Variants in EMP2 observed in about 807,000 individuals in gnomAD.
EMP2 encodes the protein epithelial membrane protein 2.
In EMP2, 19 loss-of-function variants were observed where a neutral mutation model predicts 13.7. That is an observed-to-expected ratio of 1.38 (90% CI 0.97 to 2.03). EMP2 has a LOEUF of 2.03. Among genes scored for constraint, EMP2 ranks in the 30% most tolerant of loss-of-function variants. The probability of loss-of-function intolerance (pLI) is 0.00; values close to 1 mark genes in which losing one functional copy is unlikely to be tolerated. For synonymous variants in EMP2, 97 were observed against 84.7 expected, an observed-to-expected ratio of 1.15 and a Z score of -0.80; for missense variants, 253 against 220.7, an observed-to-expected ratio of 1.15 and a Z score of -0.93.
chr16:10,543,602 G>C lies in EMP2; in HGVS notation c.137C>G (p.Thr46Arg), dbSNP rs1465762207. 6.2e-7 allele frequency: 1 copy of C among 1,614,092 alleles called. No homozygotes were observed. Among genetic ancestry groups the C allele is most frequent in the African/African-American group, 1.3e-5 (1 of 74,938 alleles). ...ADVWRICTNN[T>R]NCTVINDSFQ... Reference sequence around the variant, plus strand: ...GCTGTCATTGATGACTGTGCAATTCGTGTTGTTGGTACATATTCTCCAGAC... The same window carrying C: ...GCTGTCATTGATGACTGTGCAATTCCTGTTGTTGGTACATATTCTCCAGAC... Residue 46 changes from threonine (T) to arginine (R), a missense_variant, in exon 3 of 5, where the codon ACG becomes AGG. Coordinates refer to ENST00000359543, the MANE Select transcript of EMP2 (RefSeq NM_001424.6).
At chr16:10,562,625 A>G (rs2050880870) in intron 1 of EMP2, among the ~76,000 whole-genome samples, 1 of 152,126 alleles carries the variant, frequency 6.6e-6, no homozygotes, top group Non-Finnish European at 1.5e-5. Flanking sequence ...TAGAATCATG[A>G]ACAAAATCAG....
intron 1 of EMP2, among the ~76,000 whole-genome samples, chr16:10,550,956 CAGAG>C (rs1441131570): frequency 7.1e-6 from 1 of 140,674 alleles, no homozygotes; most frequent in Non-Finnish European, 1.5e-5. Flanking sequence ...GCCTGGGTGA[CAGAG>C]AGAGATTCCA....
At chr16:10,536,040 G>A (rs1223217517) in intron 4 of EMP2, among the ~76,000 whole-genome samples, 1 of 152,106 alleles carries the variant, frequency 6.6e-6, no homozygotes, top group Non-Finnish European at 1.5e-5. Flanking sequence ...GACTTGGGGG[G>A]TTCTCAAGAT....
intron 4 of EMP2, among the ~76,000 whole-genome samples, chr16:10,535,409 G>C (rs900833471): frequency 6.6e-6 from 1 of 152,084 alleles, no homozygotes; most frequent in Non-Finnish European, 1.5e-5. Flanking sequence ...CAGGCTTACA[G>C]ATCAACAGAC....
intron 1 of EMP2, among the ~76,000 whole-genome samples, chr16:10,572,063 C>T (rs1013789879): frequency 1.2e-4 from 18 of 152,202 alleles, no homozygotes; most frequent in Non-Finnish European, 1.3e-4. Context: ...ACCTGATGAT[C>T]TAAATATATT....
At chr16:10,534,917 C>T in intron 4 of EMP2, among the ~76,000 whole-genome samples, 1 of 152,250 alleles carries the variant, frequency 6.6e-6, no homozygotes. Context: ...CAGACATTCT[C>T]TGGCCAGGGG....
chr16:10,575,317 G>A (rs1451129797), intron 1 of EMP2, among the ~76,000 whole-genome samples: 2 of 132,012 alleles, frequency 1.5e-5, no homozygotes, highest in Admixed American at 1.8e-4. Flanking sequence ...GCAGTGGCGT[G>A]ATCTTGGCTC....
chr16:10,536,704 C>A (rs968704339), intron 4 of EMP2, among the ~76,000 whole-genome samples: 2 of 152,190 alleles, frequency 1.3e-5, no homozygotes, highest in Non-Finnish European at 2.9e-5. Flanking sequence ...TCACTGCAGC[C>A]TTTACCTCTC....
At chr16:10,574,188 T>A (rs938381936) in intron 1 of EMP2, among the ~76,000 whole-genome samples, 1 of 152,184 alleles carries the variant, frequency 6.6e-6, no homozygotes, top group African/African-American at 2.4e-5. Context: ...TCTGCCTGCC[T>A]TGGCCTCCCA....
At chr16:10,548,593 C>T (rs1349620602) in intron 1 of EMP2, among the ~76,000 whole-genome samples, 1 of 151,940 alleles carries the variant, frequency 6.6e-6, no homozygotes, top group Non-Finnish European at 1.5e-5. Flanking sequence ...ACTTGGTAAA[C>T]TAAGACAGAA....
Position 10,529,119 on chromosome 16 carries a change from G to A in EMP2, c.*3786C>T, listed in dbSNP as rs950380623. The A allele has an allele frequency of 2.0e-5, 3 of 152,168 alleles. No individual in the cohort carries two copies. Among genetic ancestry groups the A allele is most frequent in the Non-Finnish European group, 4.4e-5 (3 of 68,034 alleles). The allele number at this position is 152,168 out of a possible 1,614,324, so 9.4% of individuals were successfully genotyped here. On this transcript the variant is annotated 3_prime_UTR_variant, in exon 5 of 5. Transcript: ENST00000359543. Reference sequence around the variant, plus strand: ...AATTTTAATGCAAATAACAAAATGAGTTAGTCTGTCTCCATCACATAGCCC... The same window carrying A: ...AATTTTAATGCAAATAACAAAATGAATTAGTCTGTCTCCATCACATAGCCC...
intron 1 of EMP2, among the ~76,000 whole-genome samples, chr16:10,567,012 C>A (rs2050910930): frequency 6.6e-6 from 1 of 152,200 alleles, no homozygotes; most frequent in Admixed American, 6.5e-5. Flanking sequence ...TTGACTTCTT[C>A]TCTTCATTCA....
chr16:10,561,173 G>GTT (rs2050868574), intron 1 of EMP2, among the ~76,000 whole-genome samples: 1 of 152,192 alleles, frequency 6.6e-6, no homozygotes, highest in African/African-American at 2.4e-5. Context: ...GATGGGCTGG[G>GTT]GAAGAGGGCA....
intron 1 of EMP2, among the ~76,000 whole-genome samples, chr16:10,567,265 T>C (rs966737201): frequency 3.3e-5 from 5 of 152,186 alleles, no homozygotes; most frequent in African/African-American, 1.2e-4. Flanking sequence ...TATTAAGTCA[T>C]TATCAGTGGA....
chr16:10,577,375 T>A (rs905430071), intron 1 of EMP2, among the ~76,000 whole-genome samples: 11 of 152,258 alleles, frequency 7.2e-5, no homozygotes, highest in African/African-American at 2.6e-4. Flanking sequence ...CGGCACTCTC[T>A]CGCTGGGTGG....
At chr16:10,552,952 G>C (rs1281665252) in intron 1 of EMP2, among the ~76,000 whole-genome samples, 1 of 152,220 alleles carries the variant, frequency 6.6e-6, no homozygotes, top group Non-Finnish European at 1.5e-5. Flanking sequence ...ATGGCAGTTA[G>C]AGGTTGGTTT....
At chr16:10,575,237 C>CATTTTTTTT (rs2050975115) in intron 1 of EMP2, among the ~76,000 whole-genome samples, 1 of 52,500 alleles carries the variant, frequency 1.9e-5, no homozygotes. Flanking sequence ...AGCTTGCATT[C>CATTTTTTTT]TTTTTTTTTT....
At chr16:10,540,155 G>C (rs1158217462) in intron 3 of EMP2, among the ~76,000 whole-genome samples, 1 of 152,188 alleles carries the variant, frequency 6.6e-6, no homozygotes, top group African/African-American at 2.4e-5. Context: ...AACCCAGTGA[G>C]GACGGGAAAC....
chr16:10,537,635 G>A lies in EMP2; in HGVS notation c.316+293C>T, dbSNP rs76936135. Among the ~76,000 whole-genome samples, 11 of 152,010 alleles carry A rather than the reference G, an allele frequency of 7.2e-5. No individual in the cohort carries two copies. The East Asian group carries it at 1.9e-3, about 27-fold the overall frequency. On this transcript the variant is annotated intron_variant, in intron 4 of 4. Coordinates refer to ENST00000359543, the MANE Select transcript of EMP2 (RefSeq NM_001424.6). ...CTCTCTATTGAGACACAACACTGTC[G>A]ACAGCGACTCCTACTCACCCTCCAG...
Sources: allele counts gnomAD v4.1 joint callset (sites outside exome capture counted in the v4.1 genomes callset), GRCh38; gene constraint gnomAD v4.1.1; transcripts MANE v1.5; gene names NCBI Gene and HGNC (gene_info 2026-07-23, HGNC 2026-07-21).